Variants in DPP10 observed in about 807,000 individuals in gnomAD.
DPP10 encodes dipeptidyl peptidase like 10, also known as inactive dipeptidyl peptidase 10.
In DPP10, 33 loss-of-function variants were observed where a neutral mutation model predicts 120.9. That is an observed-to-expected ratio of 0.27 (90% confidence interval 0.21 to 0.37). The LOEUF is 0.37. DPP10 is among the 10% of genes least tolerant of loss of function. DPP10 has a pLI of 1.00. For missense variants in DPP10, 816 were observed against 942.8 expected (o/e 0.87, Z 1.76); for synonymous variants, 337 against 326.1 (o/e 1.03, Z -0.36).
intron 1 of DPP10, among the ~76,000 whole-genome samples, chr2:115,215,133 A>G (rs1370919356): frequency 2.0e-5 from 3 of 152,148 alleles, no homozygotes; most frequent in Non-Finnish European, 4.4e-5. Context: ...GGTATTTTCA[A>G]TGTTGATTTT....
chr2:115,296,415 C>A (rs1197424383), intron 1 of DPP10, among the ~76,000 whole-genome samples: 1 of 152,034 alleles, frequency 6.6e-6, no homozygotes, highest in African/African-American at 2.4e-5. Context: ...TGGCATCTTA[C>A]CTGACTCCTG....
chr2:115,564,635 A>G (rs1480103699), intron 5 of DPP10, among the ~76,000 whole-genome samples: 4 of 152,228 alleles, frequency 2.6e-5, no homozygotes, highest in African/African-American at 9.6e-5. Flanking sequence ...ATTTTTAGTC[A>G]TAACAATTCT....
At chr2:115,364,636 T>A (rs2064979211) in intron 3 of DPP10, among the ~76,000 whole-genome samples, 2 of 151,952 alleles carry the variant, frequency 1.3e-5, no homozygotes, top group Non-Finnish European at 2.9e-5. Context: ...TTTTTTTTTT[T>A]TTTTTCCTTT....
intron 5 of DPP10, among the ~76,000 whole-genome samples, chr2:115,616,999 T>G (rs1435534722): frequency 6.6e-6 from 1 of 151,722 alleles, no homozygotes; most frequent in Non-Finnish European, 1.5e-5. Context: ...GAAGTCCTCT[T>G]TACTCCTCCC....
Position 115,214,827 on chromosome 2 carries a change from C to A in DPP10, c.61-94412C>A, listed in dbSNP as rs866020096. Among the ~76,000 whole-genome samples, 3 of 152,170 alleles carry A rather than the reference C, an allele frequency of 2.0e-5. No homozygotes were observed. In the South Asian group the frequency reaches 6.2e-4, roughly 31 times the overall value. Reference sequence around the variant, plus strand: ...TCCAACTGAGTTCTTGCTTGCTTGACAGAATTGTGAGCCCCTTGCTTCCTT... The same window carrying A: ...TCCAACTGAGTTCTTGCTTGCTTGAAAGAATTGTGAGCCCCTTGCTTCCTT... On this transcript the variant is annotated intron_variant, in intron 1 of 25. Coordinates refer to ENST00000410059, the MANE Select transcript of DPP10 (RefSeq NM_020868.6).
At chr2:115,469,694 C>T (rs2074559215) in intron 3 of DPP10, among the ~76,000 whole-genome samples, 2 of 151,866 alleles carry the variant, frequency 1.3e-5, no homozygotes, top group Non-Finnish European at 2.9e-5. Context: ...AGAGCGGGAG[C>T]TCGAGACCAG....
intron 1 of DPP10, among the ~76,000 whole-genome samples, chr2:114,825,375 C>G (rs558327958): frequency 2.6e-5 from 4 of 152,108 alleles, no homozygotes; most frequent in Non-Finnish European, 5.9e-5. Flanking sequence ...GAATTGTATG[C>G]CTGTTGAGTT....
At chr2:115,562,759 G>A (rs535893071) in intron 5 of DPP10, among the ~76,000 whole-genome samples, 123 of 152,200 alleles carry the variant, frequency 8.1e-4, no homozygotes, top group Non-Finnish European at 8.4e-4. Flanking sequence ...CACTATTTCA[G>A]TTTCCTACTC....
chr2:115,348,175 C>T (rs533012854), intron 3 of DPP10, among the ~76,000 whole-genome samples: 2 of 152,240 alleles, frequency 1.3e-5, no homozygotes, highest in South Asian at 2.1e-4. Flanking sequence ...CCATGCCATA[C>T]TTGGAGGTAT....
chr2:115,729,609 A>C (rs1326055855), intron 8 of DPP10, among the ~76,000 whole-genome samples: 2 of 152,138 alleles, frequency 1.3e-5, no homozygotes, highest in African/African-American at 4.8e-5. Flanking sequence ...TCTACTAAAA[A>C]ATTTTTAAAA....
chr2:115,788,618 G>T (rs1476331597), intron 17 of DPP10, among the ~76,000 whole-genome samples: 1 of 152,050 alleles, frequency 6.6e-6, no homozygotes, highest in Non-Finnish European at 1.5e-5. Flanking sequence ...GTAATTTTTT[G>T]CCAGTATATT....
intron 7 of DPP10, among the ~76,000 whole-genome samples, chr2:115,717,798 G>C (rs908661025): frequency 6.6e-6 from 1 of 152,050 alleles, no homozygotes; most frequent in African/African-American, 2.4e-5. Flanking sequence ...GGATGCTGAG[G>C]GTCTGCTGTT....
chr2:115,123,236 G>T (rs569382808), intron 1 of DPP10, among the ~76,000 whole-genome samples: 12 of 152,296 alleles, frequency 7.9e-5, no homozygotes, highest in Admixed American at 7.8e-4. Flanking sequence ...TTTTATAGCA[G>T]GAATGAAAGG....
intron 4 of DPP10, among the ~76,000 whole-genome samples, chr2:115,500,473 G>A (rs762961849): frequency 1.3e-4 from 20 of 151,842 alleles, no homozygotes; most frequent in African/African-American, 1.9e-4. Flanking sequence ...TAAAATAAAC[G>A]TTTAATCTTC....
chr2:114,727,835 T>C (rs1321572719), intron 1 of DPP10, among the ~76,000 whole-genome samples: 2 of 152,204 alleles, frequency 1.3e-5, no homozygotes, highest in African/African-American at 2.4e-5. Flanking sequence ...ATGAAAATAA[T>C]AGCAGTGAGA....
intron 1 of DPP10, among the ~76,000 whole-genome samples, chr2:115,238,248 C>A (rs1239991865): frequency 1.3e-5 from 2 of 152,148 alleles, no homozygotes; most frequent in South Asian, 2.1e-4. Flanking sequence ...ACAAATGGAA[C>A]AACAAACCCT....
Position 115,018,740 on chromosome 2 carries a change from A to G in DPP10, c.61-290499A>G, listed in dbSNP as rs540568648. On this transcript the variant is annotated intron_variant, in intron 1 of 25. Transcript: ENST00000410059. ...TGTAAGGGGCTAGGGGAGGGATAGC[A>G]TTAGGAGAAATACCTAATGTAGATG... Among the ~76,000 whole-genome samples, 18 of 152,280 alleles carry G rather than the reference A, an allele frequency of 1.2e-4. No homozygotes were observed. In the East Asian group the frequency reaches 3.5e-3, roughly 29 times the overall value.
chr2:115,534,583 G>A (rs1181529291), intron 5 of DPP10, among the ~76,000 whole-genome samples: 4 of 151,998 alleles, frequency 2.6e-5, no homozygotes, highest in Non-Finnish European at 5.9e-5. Context: ...GTGTGCATGT[G>A]TCTTTATAGC....
chr2:115,424,269 G>A (rs2070252780), intron 3 of DPP10, among the ~76,000 whole-genome samples: 1 of 151,842 alleles, frequency 6.6e-6, no homozygotes, highest in Non-Finnish European at 1.5e-5. Context: ...GCTTTGTATG[G>A]CAGTAGTTTT....
Sources: allele counts gnomAD v4.1 joint callset (sites outside exome capture counted in the v4.1 genomes callset), GRCh38; gene constraint gnomAD v4.1.1; transcripts MANE v1.5; gene names NCBI Gene and HGNC (gene_info 2026-07-23, HGNC 2026-07-21).